Variants in OPCML observed in about 807,000 individuals in gnomAD.
OPCML encodes the protein opioid binding protein/cell adhesion molecule like, also known as opioid-binding protein/cell adhesion molecule.
OPCML carries 13 observed loss-of-function variants against 37.8 expected under a neutral mutation model. The ratio of observed to expected loss-of-function variants is 0.34; its 90% CI spans 0.22 to 0.55. The LOEUF is 0.55. Ranked by LOEUF, OPCML falls within the 20% of genes least tolerant of loss-of-function variation. The probability of loss-of-function intolerance (pLI) is 0.91; values close to 1 mark genes in which losing one functional copy is unlikely to be tolerated. For missense variants in OPCML, 341 were observed against 435.6 expected (o/e 0.78, Z 1.93); for synonymous variants, 176 against 168.8 (o/e 1.04, Z -0.33).
At chr11:132,762,467 A>G (rs1392605106) in intron 2 of OPCML, among the ~76,000 whole-genome samples, 1 of 152,068 alleles carries the variant, frequency 6.6e-6, no homozygotes, top group African/African-American at 2.4e-5. Context: ...TATCTGTAAG[A>G]CCCTGACTGG....
At chr11:132,892,288 A>G (rs976054242) in intron 2 of OPCML, among the ~76,000 whole-genome samples, 6 of 152,226 alleles carry the variant, frequency 3.9e-5, no homozygotes, top group African/African-American at 1.4e-4. Context: ...AGGAGACAGA[A>G]GAATCAATAA....
intron 2 of OPCML, among the ~76,000 whole-genome samples, chr11:132,743,835 G>A (rs1455150193): frequency 1.3e-5 from 2 of 152,176 alleles, no homozygotes; most frequent in African/African-American, 4.8e-5. Flanking sequence ...TAGCATCTAC[G>A]TGACACACAG....
At chr11:132,632,508 G>A (rs1004681219) in intron 3 of OPCML, among the ~76,000 whole-genome samples, 2 of 151,968 alleles carry the variant, frequency 1.3e-5, no homozygotes, top group Non-Finnish European at 2.9e-5. Context: ...AATGGAGCAG[G>A]GACTTCAAGT....
At chr11:132,743,705 C>T (rs1945513172) in intron 2 of OPCML, among the ~76,000 whole-genome samples, 1 of 152,206 alleles carries the variant, frequency 6.6e-6, no homozygotes, top group Non-Finnish European at 1.5e-5. Flanking sequence ...TCACATTTTA[C>T]ACCACATTCC....
intron 2 of OPCML, among the ~76,000 whole-genome samples, chr11:132,735,068 A>G (rs1945208570): frequency 6.6e-6 from 1 of 152,204 alleles, no homozygotes; most frequent in Non-Finnish European, 1.5e-5. Flanking sequence ...CATGCTTTTT[A>G]TACTAAAATG....
At chr11:133,164,393 T>C (rs1270263948) in intron 1 of OPCML, among the ~76,000 whole-genome samples, 1 of 152,224 alleles carries the variant, frequency 6.6e-6, no homozygotes, top group Non-Finnish European at 1.5e-5. Context: ...CTCAAATGAA[T>C]GAATAAATGT....
intron 2 of OPCML, among the ~76,000 whole-genome samples, chr11:132,700,988 C>T (rs1483751566): frequency 6.6e-6 from 1 of 152,148 alleles, no homozygotes; most frequent in Non-Finnish European, 1.5e-5. Context: ...TATATATTTA[C>T]AATTGTTGTA....
chr11:133,172,880 TCATTTAATTTTACAA>T (rs1251521428), intron 1 of OPCML, among the ~76,000 whole-genome samples: 1 of 152,214 alleles, frequency 6.6e-6, no homozygotes, highest in Non-Finnish European at 1.5e-5. Context: ...ATACGTTATC[TCATTTAATTTTACAA>T]CAAATGTATA....
chr11:132,420,518 A>C (rs560466233), intron 7 of OPCML: 2 of 435,488 alleles, frequency 4.6e-6, no homozygotes, highest in African/African-American at 4.3e-5. Context: ...CTATGCTTAA[A>C]AAGTAAATAG....
At chr11:133,390,457 C>T (rs997289517) in intron 1 of OPCML, among the ~76,000 whole-genome samples, 2 of 151,864 alleles carry the variant, frequency 1.3e-5, no homozygotes, top group African/African-American at 4.8e-5. Flanking sequence ...AACAAGACTC[C>T]ATCTCAACAA....
chr11:132,827,845 C>G (rs1940451326), intron 2 of OPCML, among the ~76,000 whole-genome samples: 1 of 151,322 alleles, frequency 6.6e-6, no homozygotes, highest in African/African-American at 2.4e-5. Flanking sequence ...GGGGTTTCAC[C>G]ATGTTTTGAT....
intron 1 of OPCML, among the ~76,000 whole-genome samples, chr11:133,364,443 T>G (rs144543174): frequency 6.6e-6 from 1 of 152,318 alleles, no homozygotes; most frequent in African/African-American, 2.4e-5. Context: ...CTAATTAGAC[T>G]GGGAGCCCTT....
intron 3 of OPCML, among the ~76,000 whole-genome samples, chr11:132,566,009 G>A (rs1271649456): frequency 6.6e-6 from 1 of 152,148 alleles, no homozygotes; most frequent in Non-Finnish European, 1.5e-5. Context: ...CTCCAGCCTG[G>A]GTGACAGAGC....
chr11:133,130,492 C>T (rs1949587010), intron 1 of OPCML, among the ~76,000 whole-genome samples: 2 of 152,016 alleles, frequency 1.3e-5, no homozygotes, highest in Non-Finnish European at 2.9e-5. Flanking sequence ...AGAAAAACTA[C>T]AAATTCTGAT....
intron 4 of OPCML, among the ~76,000 whole-genome samples, chr11:132,449,819 C>T (rs1475223772): frequency 3.9e-5 from 6 of 152,162 alleles, no homozygotes; most frequent in African/African-American, 1.4e-4. Flanking sequence ...GGGATCCGGC[C>T]AGCTCATTTC....
intron 3 of OPCML, among the ~76,000 whole-genome samples, chr11:132,554,916 C>A (rs976013688): frequency 9.3e-6 from 1 of 107,664 alleles, no homozygotes; most frequent in African/African-American, 3.6e-5. Context: ...TTAGATAGAC[C>A]TAGATCTGAG....
At chr11:132,837,797 A>G (rs10894618) in intron 2 of OPCML, among the ~76,000 whole-genome samples, 130,951 of 152,014 alleles carry the variant, frequency 0.86, 57,374 homozygotes, top group Middle Eastern at 0.96. Flanking sequence ...GAAGGCGGGC[A>G]TCTGAGTGGA....
chr11:132,750,675 C>A (rs1475203654), intron 2 of OPCML, among the ~76,000 whole-genome samples: 3 of 152,122 alleles, frequency 2.0e-5, no homozygotes, highest in African/African-American at 7.2e-5. Flanking sequence ...CTGTACAAAT[C>A]CACGTACGAT....
chr11:132,525,079 A>G (rs2096304618), intron 4 of OPCML, among the ~76,000 whole-genome samples: 1 of 152,086 alleles, frequency 6.6e-6, no homozygotes, highest in Non-Finnish European at 1.5e-5. Context: ...TTCAACCATT[A>G]TCATCTCAGG....
Sources: allele counts gnomAD v4.1 joint callset (sites outside exome capture counted in the v4.1 genomes callset), GRCh38; gene constraint gnomAD v4.1.1; transcripts MANE v1.5; gene names NCBI Gene and HGNC (gene_info 2026-07-23, HGNC 2026-07-21).